The following DDX17 variants were observed in gnomAD, a reference collection of about 807,000 sequenced individuals.
DDX17 encodes the protein probable ATP-dependent RNA helicase DDX17.
Under a neutral mutation model 80.8 loss-of-function variants are expected in DDX17, and 10 were observed. The observed-to-expected ratio is 0.12, with a 90% CI of 0.08 to 0.21. The LOEUF (loss-of-function observed/expected upper bound fraction) is 0.21. Among genes scored for constraint, DDX17 ranks in the 10% least tolerant of loss-of-function variants. The probability of loss-of-function intolerance (pLI) is 1.00; values close to 1 mark genes in which losing one functional copy is unlikely to be tolerated. For missense variants in DDX17, 586 were observed against 957.4 expected (o/e 0.61, Z 5.12); for synonymous variants, 339 against 336.2 (o/e 1.01, Z -0.09).
intron 5 of DDX17, among the ~76,000 whole-genome samples, chr22:38,496,928 TATTTC>T (rs1377237587): frequency 6.6e-6 from 1 of 152,214 alleles, no homozygotes; most frequent in Non-Finnish European, 1.5e-5. Context: ...AGTACTGCAT[TATTTC>T]TTTTTGTGAA....
chr22:38,486,103 G>A lies in DDX17; in HGVS notation c.2022C>T (p.Ser674=), dbSNP rs1261074662. ...CTATCCCACTAAACTGCTGGCTAGA[G>A]CTCTGTGAACTTCTCCCAGTTGAGG... is the stretch of plus-strand genomic sequence containing the variant. The change falls in exon 13 of 13, where the codon AGC becomes AGT. Residue 674 remains serine (S), a synonymous_variant. Transcript: ENST00000403230. 2 of 1,614,172 alleles carry A rather than the reference G, an allele frequency of 1.2e-6. No individual in the cohort carries two copies. The highest frequency in any genetic ancestry group is 2.2e-5 in the East Asian group (1 of 44,878).
At chr22:38,495,173 T>C (rs965294590) in intron 6 of DDX17, 127 bp from the exon 7 acceptor site, 43 of 834,468 alleles carry the variant, frequency 5.2e-5, no homozygotes, top group African/African-American at 2.1e-4. Flanking sequence ...CTGGTCAACA[T>C]AGCAAGACCC....
intron 11 of DDX17, chr22:38,488,546 G>C: frequency 1.0e-6 from 1 of 998,416 alleles, no homozygotes; most frequent in Non-Finnish European, 1.2e-6. Flanking sequence ...GGAGAAGCCT[G>C]GCAAAATCTA....
chr22:38,498,334 TC>T, intron 4 of DDX17, 105 bp downstream of exon 4: 1 of 1,493,194 alleles, frequency 6.7e-7, no homozygotes, highest in African/African-American at 1.4e-5. Context: ...TAAAATAGTA[TC>T]TAACTATCTG....
At position 38,484,155 on chromosome 22, in the gene DDX17, G is replaced by T. The variant is rs1569135334; in HGVS notation, c.*1780C>A. 2 of 152,356 alleles carry T rather than the reference G, an allele frequency of 1.3e-5. No individual in the cohort carries two copies. The highest frequency in any genetic ancestry group is 4.8e-5 in the African/African-American group (2 of 41,340). The allele number at this position is 152,356 out of a possible 1,614,324, so 9.4% of individuals were successfully genotyped here. On this transcript the variant is annotated 3_prime_UTR_variant, in exon 13 of 13. Transcript: ENST00000403230. Reference sequence around the variant, plus strand: ...CCAGTGCTTAGACAAATTTGGGGTTGGGGGGAACACTTTGGTTTGAAAGCA... The same window carrying T: ...CCAGTGCTTAGACAAATTTGGGGTTTGGGGGAACACTTTGGTTTGAAAGCA...
At chr22:38,490,452 A>G (rs892034977) in intron 11 of DDX17, 2 of 1,289,080 alleles carry the variant, frequency 1.6e-6, no homozygotes, top group African/African-American at 3.0e-5. Context: ...AAAAAACAAA[A>G]CAAAATAAAT....
intron 11 of DDX17, chr22:38,488,946 A>C: frequency 1.0e-6 from 1 of 985,430 alleles, no homozygotes; most frequent in Non-Finnish European, 1.2e-6. Context: ...GAACGTGGGA[A>C]AACCATGAAA....
intron 8 of DDX17, 191 bp downstream of exon 8, chr22:38,494,439 C>T: frequency 1.5e-6 from 1 of 671,904 alleles, no homozygotes; most frequent in Non-Finnish European, 2.4e-6. Context: ...ATTTCAAACT[C>T]AAGAATTCAG....
rs2089632969 is a variant in DDX17 at position 38,484,311 on chromosome 22, G to A, written c.*1624C>T. The A allele has an allele frequency of 6.6e-6, 1 of 152,386 alleles. No individual in the cohort carries two copies. The highest frequency in any genetic ancestry group is 1.5e-5 in the Non-Finnish European group (1 of 68,016). 9.4% of individuals were successfully genotyped at this position (152,386 alleles called of 1,614,324 possible). ...GAAAATTAAAAAAAAAGATGTCAAA[G>A]TTTTTACATGCATATATTTCAGCTT... On this transcript the variant is annotated 3_prime_UTR_variant, in exon 13 of 13. Transcript: ENST00000403230.
At chr22:38,494,575 G>A (rs923007852) in intron 8 of DDX17, 55 bp downstream of exon 8, 77 of 1,550,714 alleles carry the variant, frequency 5.0e-5, no homozygotes, top group Non-Finnish European at 5.9e-5. Flanking sequence ...ATTTTGGAGG[G>A]TTATTAGAAA....
intron 10 of DDX17, 69 bp downstream of exon 10, chr22:38,493,641 T>A: frequency 7.7e-7 from 1 of 1,298,520 alleles, no homozygotes; most frequent in Admixed American, 1.8e-5. Flanking sequence ...ATCCCTGAAA[T>A]AGAGCATGAA....
chr22:38,493,946 A>G, intron 9 of DDX17, 75 bp downstream of exon 9: 1 of 1,318,164 alleles, frequency 7.6e-7, no homozygotes, highest in Non-Finnish European at 1.1e-6. Flanking sequence ...ATATTACACA[A>G]CATTTGGAAT....
intron 1 of DDX17, 134 bp downstream of exon 1, chr22:38,505,817 G>T: frequency 8.5e-7 from 1 of 1,180,618 alleles, no homozygotes; most frequent in Non-Finnish European, 1.2e-6. Context: ...CGAAACCGCT[G>T]TCTCGCCTCG....
rs778756322 is a variant in DDX17, at chr22:38,506,279, T to C, written c.-42A>G. On this transcript the variant is annotated 5_prime_UTR_variant, in exon 1 of 13. Transcript: ENST00000403230. ...ACCGGGCAGTGCCGCGGTTTAGGCG[T>C]CTCCTTCCTTCCCAGCGACTGCACA... is the stretch of plus-strand genomic sequence containing the variant. 2.6e-6 allele frequency: 4 copies of C among 1,524,246 alleles called. No individual in the cohort carries two copies. Among genetic ancestry groups the C allele is most frequent in the East Asian group, 2.4e-5 (1 of 41,236 alleles). The allele number at this position is 1,524,246 out of a possible 1,614,324, so 94.4% of individuals were successfully genotyped here.
In DDX17 at chr22:38,502,739, T is replaced by G. The variant is rs1047594051; in HGVS notation, c.288-1459A>C. On this transcript the variant is annotated intron_variant, in intron 1 of 12. Transcript: ENST00000403230. ...CTTAATTTTCCCTATTTCGATCTTG[T>G]AAAGTACAGGTCTTTGTTTGGCATA... 9.9e-5 allele frequency among the ~76,000 whole-genome samples: 15 copies of G among 152,228 alleles called. 1 individual carries two copies. Among genetic ancestry groups the G allele is most frequent in the African/African-American group, 3.6e-4 (15 of 41,458 alleles).
Position 38,495,041 on chromosome 22 carries a change from C to CAACACCTGTAAAACAA in DDX17, c.881-11_885dup (p.Glu296LeufsTer6). ...CGTCCAGGAGTGGCTATGCAGATCT[C>CAACACCTGTAAAACAA]AACACCTGTAAAACAAAACCAATGA... On this transcript the variant is annotated frameshift_variant, in exon 7 of 13. Transcript: ENST00000403230. LOFTEE classifies it high-confidence loss of function. 6.2e-7 allele frequency: 1 copy of CAACACCTGTAAAACAA among 1,612,662 alleles called. No individual in the cohort carries two copies. Among genetic ancestry groups the CAACACCTGTAAAACAA allele is most frequent in the Non-Finnish European group, 8.5e-7 (1 of 1,179,500 alleles).
In DDX17 at chr22:38,506,220, T is replaced by C; in HGVS notation, c.18A>G (p.Val6=). The change falls in exon 1 of 13, where the codon GTA becomes GTG. Residue 6 remains valine, a synonymous_variant. Coordinates refer to ENST00000403230, the MANE Select transcript of DDX17 (RefSeq NM_006386.5). ...GGAGCAAAACACAGAGAATCGGGGCTACAAAGCCGGTGGGCAGGTTTGGCT... is the reference window on the plus strand; with the variant it reads ...GGAGCAAAACACAGAGAATCGGGGCCACAAAGCCGGTGGGCAGGTTTGGCT... 3 of 1,606,060 alleles carry C rather than the reference T, an allele frequency of 1.9e-6. No homozygotes were observed. The highest frequency in any genetic ancestry group is 2.5e-6 in the Non-Finnish European group (3 of 1,176,928).
chr22:38,500,254 A>G (rs1412835854), intron 2 of DDX17, among the ~76,000 whole-genome samples: 1 of 152,120 alleles, frequency 6.6e-6, no homozygotes, highest in Non-Finnish European at 1.5e-5. Flanking sequence ...TCAATCATGT[A>G]TAATAAACAG....
intron 8 of DDX17, chr22:38,494,414 A>G (rs903835115): frequency 3.2e-6 from 2 of 628,460 alleles, no homozygotes; most frequent in Non-Finnish European, 2.7e-6. Flanking sequence ...TACAGCTTGT[A>G]ATCAGCAGAG....
Sources: allele counts gnomAD v4.1 joint callset (sites outside exome capture counted in the v4.1 genomes callset), GRCh38; gene constraint gnomAD v4.1.1; transcripts MANE v1.5; gene names NCBI Gene and HGNC (gene_info 2026-07-23, HGNC 2026-07-21).